The following DPYD variants were observed in gnomAD, a reference collection of about 807,000 sequenced individuals.
The protein encoded by DPYD is dihydropyrimidine dehydrogenase.
DPYD carries 109 observed loss-of-function variants against 116.2 expected under a neutral mutation model. The ratio of observed to expected loss-of-function variants is 0.94; its 90% confidence interval spans 0.80 to 1.10. The LOEUF (loss-of-function observed/expected upper bound fraction) is 1.10, where lower values mean the gene tolerates loss of function less well. DPYD is among the 50% of genes least tolerant of loss of function. DPYD has a pLI of 0.00. For synonymous variants in DPYD, 440 were observed against 432.0 expected (o/e 1.02, Z -0.23); for missense variants, 1,302 against 1,254.5 (o/e 1.04, Z -0.57).
intron 4 of DPYD, among the ~76,000 whole-genome samples, chr1:97,724,582 A>G (rs944613365): frequency 4.6e-5 from 7 of 151,488 alleles, no homozygotes; most frequent in African/African-American, 1.5e-4. Context: ...GACAGGAAGA[A>G]TTATGTGTTT....
chr1:97,246,155 G>T (rs530295601), intron 18 of DPYD, among the ~76,000 whole-genome samples: 107 of 152,224 alleles, frequency 7.0e-4, no homozygotes, highest in East Asian at 2.5e-3. Flanking sequence ...CTGTTTAGTT[G>T]CTCTATCAAT....
chr1:97,393,376 G>A lies in DPYD; in HGVS notation c.1906-10915C>T, dbSNP rs529421682. On this transcript the variant is annotated intron_variant, in intron 14 of 22. Coordinates refer to ENST00000370192, the MANE Select transcript of DPYD (RefSeq NM_000110.4). ...TGTTACATATGTATACATGTGCCAT[G>A]TTGGTGTGCTGCACCCATTAACTCG... is the stretch of plus-strand genomic sequence containing the variant. Among the ~76,000 whole-genome samples the A allele has an allele frequency of 1.4e-3, 214 of 151,742 alleles. 1 individual carries two copies. Among genetic ancestry groups the A allele is most frequent in the African/African-American group, 4.8e-3 (199 of 41,384 alleles).
intron 20 of DPYD, among the ~76,000 whole-genome samples, chr1:97,113,107 G>A (rs1651722025): frequency 6.6e-6 from 1 of 152,094 alleles, no homozygotes; most frequent in Non-Finnish European, 1.5e-5. Context: ...TAACACATGT[G>A]ACTGTGTAAT....
intron 8 of DPYD, among the ~76,000 whole-genome samples, chr1:97,628,501 T>G (rs79561591): frequency 6.6e-6 from 1 of 152,040 alleles, no homozygotes; most frequent in Non-Finnish European, 1.5e-5. Context: ...CCTGCTGTTT[T>G]AGGTCCTGCC....
At chr1:97,115,928 G>A (rs138911177) in intron 20 of DPYD, among the ~76,000 whole-genome samples, 1 of 152,122 alleles carries the variant, frequency 6.6e-6, no homozygotes, top group Non-Finnish European at 1.5e-5. Context: ...GCATATGTTT[G>A]AGGATATAGA....
rs1030187039 is a variant in DPYD, at chr1:97,850,242, C to T, written c.151-22046G>A. 2.0e-4 allele frequency among the ~76,000 whole-genome samples: 30 copies of T among 152,150 alleles called. 1 individual carries two copies. Among genetic ancestry groups the T allele is most frequent in the Admixed American group, 7.9e-4 (12 of 15,280 alleles). The stretch of plus-strand genomic sequence containing the variant: ...AACACCGCAGGCAATTGAAATAGGT[C>T]TCCAAATATCTGATTAAAGTCATGC... On this transcript the variant is annotated intron_variant, in intron 2 of 22. Transcript: ENST00000370192.
intron 8 of DPYD, among the ~76,000 whole-genome samples, chr1:97,640,003 T>A (rs143738601): frequency 0.016 from 2,448 of 152,228 alleles, 29 homozygotes; most frequent in Non-Finnish European, 0.023. Context: ...TTTTGCCATA[T>A]CACAAATATG....
chr1:97,235,959 T>C (rs1661896513), intron 18 of DPYD, among the ~76,000 whole-genome samples: 1 of 152,176 alleles, frequency 6.6e-6, no homozygotes, highest in South Asian at 2.1e-4. Flanking sequence ...TAGCCAGACA[T>C]TACCAGTATA....
chr1:97,197,281 AT>A (rs963186674), intron 19 of DPYD, among the ~76,000 whole-genome samples: 1 of 151,824 alleles, frequency 6.6e-6, no homozygotes, highest in African/African-American at 2.4e-5. Context: ...CCACAGGGGT[AT>A]TTTTTTTCTT....
chr1:97,565,431 A>G (rs1429881908), intron 11 of DPYD, among the ~76,000 whole-genome samples: 1 of 152,088 alleles, frequency 6.6e-6, no homozygotes, highest in East Asian at 1.9e-4. Context: ...CTACTTTAGC[A>G]TATAATCCTT....
chr1:97,204,617 G>C (rs7545506), intron 19 of DPYD, among the ~76,000 whole-genome samples: 1 of 151,858 alleles, frequency 6.6e-6, no homozygotes, highest in Admixed American at 6.6e-5. Context: ...GAAACTATTA[G>C]TGAAAATACC....
chr1:97,291,314 T>G (rs1666151436), intron 18 of DPYD, among the ~76,000 whole-genome samples: 1 of 152,086 alleles, frequency 6.6e-6, no homozygotes. Flanking sequence ...AAATACCATT[T>G]GACCCAGCCA....
At chr1:97,323,796 T>C (rs1441445780) in intron 16 of DPYD, among the ~76,000 whole-genome samples, 1 of 150,960 alleles carries the variant, frequency 6.6e-6, no homozygotes, top group Non-Finnish European at 1.5e-5. Flanking sequence ...ATAGCGTTCT[T>C]TATATTTTGG....
intron 15 of DPYD, among the ~76,000 whole-genome samples, chr1:97,381,235 G>A (rs1011623057): frequency 6.6e-6 from 1 of 151,956 alleles, no homozygotes; most frequent in Non-Finnish European, 1.5e-5. Flanking sequence ...TATGAAATGT[G>A]AAAAATATCT....
chr1:97,828,317 A>G (rs1488229237), intron 2 of DPYD, 121 bp from the exon 3 acceptor site: 1 of 816,218 alleles, frequency 1.2e-6, no homozygotes, highest in African/African-American at 1.7e-5. Flanking sequence ...TATGCATACC[A>G]CTTTAATTGG....
rs757167890 is a variant in DPYD, at chr1:97,308,143, A to G, written c.2059-1846T>C. 2.2e-4 allele frequency among the ~76,000 whole-genome samples: 33 copies of G among 151,686 alleles called. 1 individual carries two copies. Among genetic ancestry groups the G allele is most frequent in the Non-Finnish European group, 3.1e-4 (21 of 67,808 alleles). Reference sequence around the variant, plus strand: ...AATTTACTCTGAACATCTGTCAGACATTTTTCCTGATTTTCACTAGGTGAC... The same window carrying G: ...AATTTACTCTGAACATCTGTCAGACGTTTTTCCTGATTTTCACTAGGTGAC... On this transcript the variant is annotated intron_variant, in intron 16 of 22. Coordinates refer to ENST00000370192, the MANE Select transcript of DPYD (RefSeq NM_000110.4).
chr1:97,358,424 T>A (rs1428677789), intron 16 of DPYD, among the ~76,000 whole-genome samples: 1 of 152,178 alleles, frequency 6.6e-6, no homozygotes, highest in African/African-American at 2.4e-5. Flanking sequence ...TAAACATCCC[T>A]GTCTGACAGC....
intron 18 of DPYD, among the ~76,000 whole-genome samples, chr1:97,267,663 C>T (rs1057003180): frequency 6.6e-6 from 1 of 151,784 alleles, no homozygotes; most frequent in Non-Finnish European, 1.5e-5. Context: ...GAATCACCCT[C>T]ATGAATGGGC....
At chr1:97,757,304 A>G (rs923314584) in intron 3 of DPYD, among the ~76,000 whole-genome samples, 1 of 151,728 alleles carries the variant, frequency 6.6e-6, no homozygotes, top group Non-Finnish European at 1.5e-5. Flanking sequence ...TGCTAAGTCA[A>G]AAAGAAGCAG....
Sources: allele counts gnomAD v4.1 joint callset (sites outside exome capture counted in the v4.1 genomes callset), GRCh38; gene constraint gnomAD v4.1.1; transcripts MANE v1.5; gene names NCBI Gene and HGNC (gene_info 2026-07-23, HGNC 2026-07-21).